Variants in CDK5RAP3 observed in about 807,000 individuals in gnomAD.
The protein encoded by CDK5RAP3 is CDK5 regulatory subunit associated protein 3.
A neutral mutation model predicts 73.3 loss-of-function variants in CDK5RAP3; 58 were observed. That is an observed-to-expected ratio of 0.79 (90% CI 0.64 to 0.98). The LOEUF is 0.98. Among genes scored for constraint, CDK5RAP3 ranks in the 50% least tolerant of loss-of-function variants. The pLI is 0.00. For missense variants in CDK5RAP3, 525 were observed against 615.8 expected (o/e 0.85, Z 1.56); for synonymous variants, 224 against 247.5 (o/e 0.91, Z 0.89).
At chr17:47,979,010 T>G in intron 11 of CDK5RAP3, 93 bp downstream of exon 11, 1 of 901,144 alleles carries the variant, frequency 1.1e-6, no homozygotes, top group South Asian at 1.3e-5. Flanking sequence ...CCTGTTTGTG[T>G]GAAGGGTGTG....
chr17:47,970,300 G>A (rs1389914731), upstream of CDK5RAP3, among the ~76,000 whole-genome samples: 1 of 152,172 alleles, frequency 6.6e-6, no homozygotes, highest in Non-Finnish European at 1.5e-5. Flanking sequence ...TATAGAGGTT[G>A]GCCTGCCCGC....
chr17:47,971,003 A>T, upstream of CDK5RAP3: 1 of 1,503,240 alleles, frequency 6.7e-7, no homozygotes, highest in Non-Finnish European at 8.9e-7. Flanking sequence ...TGGAGCGTAA[A>T]CCCTGATTGG....
chr17:47,977,050 T>C (rs2036432836), intron 9 of CDK5RAP3, among the ~76,000 whole-genome samples: 1 of 152,180 alleles, frequency 6.6e-6, no homozygotes, highest in African/African-American at 2.4e-5. Context: ...CTCGGCTCAC[T>C]GCAACTTCCG....
At position 47,981,223 on chromosome 17, in the gene CDK5RAP3, T is replaced by A; in HGVS notation, c.1344T>A (p.Ala448=). ...QQKLKQSQLL[A]LKKELMVQKQ... ...AGCTGAAGCAGTCCCAGCTGCTGGC[T>A]TTGAAGAAAGAGCTGATGGTGCAGA... Residue 448 remains alanine (A), a synonymous_variant, in exon 13 of 14, where the codon GCT becomes GCA. Transcript: ENST00000338399. 1 of 1,614,196 alleles carries A rather than the reference T, an allele frequency of 6.2e-7. No individual in the cohort carries two copies. The highest frequency in any genetic ancestry group is 1.7e-5 in the Admixed American group (1 of 60,020).
At chr17:47,973,755 G>A (rs1460140587) in intron 3 of CDK5RAP3, 105 bp downstream of exon 3, 2 of 1,461,200 alleles carry the variant, frequency 1.4e-6, no homozygotes, top group Non-Finnish European at 1.9e-6. Context: ...CCTTTAGAGA[G>A]GGAGCGATTT....
intron 5 of CDK5RAP3, chr17:47,974,941 C>T (rs1340187421): frequency 3.5e-6 from 5 of 1,425,392 alleles, no homozygotes; most frequent in African/African-American, 2.9e-5. Flanking sequence ...TGTGGATTCT[C>T]TCTTGCATCT....
upstream of CDK5RAP3, chr17:47,971,097 T>A: frequency 6.4e-7 from 1 of 1,551,584 alleles, no homozygotes; most frequent in Non-Finnish European, 8.7e-7. Flanking sequence ...GGATTGGTGG[T>A]AGGGCGGGGC....
intron 11 of CDK5RAP3, 150 bp downstream of exon 11, chr17:47,979,067 C>G: frequency 1.6e-6 from 1 of 629,388 alleles, no homozygotes. Flanking sequence ...TTAGATGCCT[C>G]CTATTCATCC....
At chr17:47,970,708 G>A (rs955961506), upstream of CDK5RAP3, 1 of 1,535,654 alleles carries the variant, frequency 6.5e-7, no homozygotes, top group South Asian at 1.2e-5. Context: ...GTAAAGCGAC[G>A]CAAGGAGGGA....
chr17:47,977,917 GCACCA>G lies in CDK5RAP3; in HGVS notation c.988+8_988+12del. ...CTGGAAGCAGGAACCCAGGGTAAGT[GCACCA>G]TCCCCTGCAGCCCTGGCAAAAGTGG... On this transcript the variant is annotated splice_region_variant and intron_variant, in intron 10 of 13. Transcript: ENST00000338399. 6.2e-7 allele frequency: 1 copy of G among 1,613,544 alleles called. No individual in the cohort carries two copies. The highest frequency in any genetic ancestry group is 8.5e-7 in the Non-Finnish European group (1 of 1,179,542).
In CDK5RAP3 at chr17:47,976,097, C is replaced by G. The variant is rs932371264; in HGVS notation, c.798+84C>G. 4 of 1,502,324 alleles carry G rather than the reference C, an allele frequency of 2.7e-6. No individual in the cohort carries two copies. In the African/African-American group the frequency reaches 5.5e-5, roughly 21 times the overall value. The allele number at this position is 1,502,324 out of a possible 1,614,324, so 93.1% of individuals were successfully genotyped here. On this transcript the variant is annotated intron_variant, in intron 8 of 13. Transcript: ENST00000338399. ...CACCCCCAACAGCCCAACCCAAGAC[C>G]CAGAGAGAAGAAGGGAGGATTTCTG...
chr17:47,974,159 G>A, intron 4 of CDK5RAP3, 128 bp downstream of exon 4: 2 of 745,720 alleles, frequency 2.7e-6, no homozygotes, highest in Non-Finnish European at 4.6e-6. Flanking sequence ...CTTTCACTCT[G>A]TCTCTATAGT....
chr17:47,976,132 C>A, intron 8 of CDK5RAP3, 119 bp downstream of exon 8: 1 of 1,323,528 alleles, frequency 7.6e-7, no homozygotes, highest in Non-Finnish European at 1.0e-6. Flanking sequence ...GTGAGAGTGA[C>A]TGTAGGTAGA....
At chr17:47,974,331 A>G in intron 4 of CDK5RAP3, 69 bp from the exon 5 acceptor site, 2 of 1,310,352 alleles carry the variant, frequency 1.5e-6, no homozygotes, top group Non-Finnish European at 2.2e-6. Flanking sequence ...TACCCTGTTT[A>G]GGGATTGAGC....
At chr17:47,975,033 T>C in intron 5 of CDK5RAP3, 126 bp from the exon 6 acceptor site, 2 of 1,601,472 alleles carry the variant, frequency 1.2e-6, no homozygotes, top group Non-Finnish European at 8.5e-7. Flanking sequence ...GCTCCACAGC[T>C]GGGAACAAGT....
upstream of CDK5RAP3, chr17:47,970,693 G>C (rs1293045901): frequency 3.3e-6 from 5 of 1,535,562 alleles, no homozygotes; most frequent in South Asian, 5.9e-5. Context: ...ACACTGCTCT[G>C]GATGGTAAAG....
At chr17:47,981,073 G>C in intron 12 of CDK5RAP3, 90 bp from the exon 13 acceptor site, 2 of 1,413,922 alleles carry the variant, frequency 1.4e-6, no homozygotes, top group Non-Finnish European at 1.9e-6. Context: ...TTGGGGGTTT[G>C]GTTTCCCGAG....
At chr17:47,971,306 A>T in intron 1 of CDK5RAP3, 56 bp from the exon 2 acceptor site, 1 of 1,579,042 alleles carries the variant, frequency 6.3e-7, no homozygotes, top group Non-Finnish European at 8.6e-7. Flanking sequence ...TGAGCGCGCG[A>T]GTGGTACGTC....
rs765200875 is a variant in CDK5RAP3, at chr17:47,981,327, A to G, written c.1448A>G (p.Gln483Arg). 1 of 1,614,046 alleles carries G rather than the reference A, an allele frequency of 6.2e-7. No individual in the cohort carries two copies. Among genetic ancestry groups the G allele is most frequent in the African/African-American group, 1.3e-5 (1 of 74,946 alleles). Reference protein sequence around the residue: ...DLLLEKTKELQKLIEADISKR... With the variant: ...DLLLEKTKELRKLIEADISKR... ...CTACTGGAGAAGACCAAGGAGCTGC[A>G]GAAGCTGGTGAGATGGGAAAGGGAG... The change falls in exon 13 of 14, where the codon CAG becomes CGG. Residue 483 changes from glutamine (Q) to arginine (R), a missense_variant. Physicochemically the swap from Gln to Arg is conservative, Grantham distance 43. Around this residue, in one of 2 missense-constraint regions of CDK5RAP3, gnomAD observed 116 missense variants for 186.1 expected, o/e 0.62. Transcript: ENST00000338399.
Sources: allele counts gnomAD v4.1 joint callset (sites outside exome capture counted in the v4.1 genomes callset), GRCh38; gene constraint gnomAD v4.1.1; regional missense constraint gnomAD v4.1.1; transcripts MANE v1.5; gene names NCBI Gene and HGNC (gene_info 2026-07-23, HGNC 2026-07-21).